TBC1D28: variants seen among roughly 807,000 people sequenced by gnomAD.
TBC1D28 encodes TBC1 domain family, member 28.
TBC1D28 carries 20 observed loss-of-function variants against 29.2 expected under a neutral mutation model. The observed-to-expected ratio is 0.68, with a 90% CI of 0.48 to 0.99. TBC1D28 has a LOEUF of 0.99. Among genes scored for constraint, TBC1D28 ranks in the 50% least tolerant of loss-of-function variants. The pLI, the probability that TBC1D28 is intolerant of heterozygous loss-of-function variation, is 0.00. For synonymous variants in TBC1D28, 65 were observed against 90.9 expected (o/e 0.71, Z 1.62); for missense variants, 205 against 243.7 (o/e 0.84, Z 1.06).
At position 18,639,122 on chromosome 17, in the gene TBC1D28, C is replaced by A; in HGVS notation, c.198+53G>T. On this transcript the variant is annotated intron_variant, in intron 5 of 8. Coordinates refer to ENST00000345096, the Ensembl canonical transcript of TBC1D28. ...GCCACCCCCTCTGCCTTACCGATCA[C>A]CCGATTCCCAGTCCCTGAAGCAGCC... 4 of 1,320,798 alleles carry A rather than the reference C, an allele frequency of 3.0e-6. 1 individual carries two copies. The South Asian group carries it at 5.4e-5, about 18-fold the overall frequency. 81.8% of individuals were successfully genotyped at this position (1,320,798 alleles called of 1,614,324 possible).
chr17:18,636,061 A>C, exon 9 of TBC1D28: 1 of 1,014,244 alleles, frequency 9.9e-7, no homozygotes, highest in Non-Finnish European at 1.2e-6. Context: ...CCCTGCCTGG[A>C]ATGGTCTGGA....
Position 18,638,612 on chromosome 17 carries a change from C to G in TBC1D28, c.279+9G>C, listed in dbSNP as rs1380373519. The G allele has an allele frequency of 1.2e-6, 2 of 1,614,240 alleles. No individual in the cohort carries two copies. The highest frequency in any genetic ancestry group is 4.5e-5 in the East Asian group (2 of 44,890). ...AGCAGTCACGGGGGCCGCTTCCTCC[C>G]CATGTTACCTTCTTGGTGCTCCTAT... is the stretch of plus-strand genomic sequence containing the variant. On this transcript the variant is annotated intron_variant, in intron 6 of 8. Coordinates refer to ENST00000345096, the Ensembl canonical transcript of TBC1D28.
chr17:18,643,234 T>C (rs1350396089), upstream of TBC1D28, among the ~76,000 whole-genome samples: 3 of 152,044 alleles, frequency 2.0e-5, no homozygotes, highest in Non-Finnish European at 4.4e-5. Flanking sequence ...ACAGGGCCCC[T>C]CATTAGGGGG....
At position 18,638,606 on chromosome 17, in the gene TBC1D28, T is replaced by A. The variant is rs1384558873; in HGVS notation, c.279+15A>T. The A allele has an allele frequency of 1.2e-6, 2 of 1,614,186 alleles. No homozygotes were observed. The highest frequency in any genetic ancestry group is 1.1e-5 in the South Asian group (1 of 91,088). On this transcript the variant is annotated intron_variant, in intron 6 of 8. Transcript: ENST00000345096. ...GCAGAGAGCAGTCACGGGGGCCGCTTCCTCCCCATGTTACCTTCTTGGTGC... is the reference window on the plus strand; with the variant it reads ...GCAGAGAGCAGTCACGGGGGCCGCTACCTCCCCATGTTACCTTCTTGGTGC...
intron 4 of TBC1D28, 33 bp from the exon 6 acceptor site, chr17:18,639,247 G>C: frequency 4.4e-6 from 7 of 1,608,512 alleles, no homozygotes; most frequent in Non-Finnish European, 5.9e-6. Context: ...CTGAGGACCT[G>C]CCCAGGCCAG....
At chr17:18,643,281 C>T (rs990260650), upstream of TBC1D28, among the ~76,000 whole-genome samples, 1 of 151,892 alleles carries the variant, frequency 6.6e-6, no homozygotes, top group African/African-American at 2.4e-5. Context: ...GTGTGAGTGG[C>T]AAGGTCGGAT....
Position 18,637,863 on chromosome 17 carries a change from C to A in TBC1D28, c.497+1G>T. 6.2e-7 allele frequency: 1 copy of A among 1,613,734 alleles called. No individual in the cohort carries two copies. Among genetic ancestry groups the A allele is most frequent in the Non-Finnish European group, 8.5e-7 (1 of 1,179,814 alleles). On this transcript the variant is annotated splice_donor_variant, in intron 8 of 8. Coordinates refer to ENST00000345096, the Ensembl canonical transcript of TBC1D28. LOFTEE classifies it high-confidence loss of function. Reference sequence around the variant, plus strand: ...ACCCCTGCAAGCCCCATTGGCCTTACTTGACTCCGAATCTTTGTATGAACA... The same window carrying A: ...ACCCCTGCAAGCCCCATTGGCCTTAATTGACTCCGAATCTTTGTATGAACA...
chr17:18,638,419 A>G (rs1426694306), exon 7 of TBC1D28: 8 of 1,614,064 alleles, frequency 5.0e-6, no homozygotes, highest in Non-Finnish European at 6.8e-6. Flanking sequence ...TCTTTGAGAC[A>G]GCTACAGACA....
exon 9 of TBC1D28, chr17:18,636,544 C>T (rs2031506893): frequency 3.3e-5 from 54 of 1,613,854 alleles, no homozygotes; most frequent in Non-Finnish European, 4.2e-5. Context: ...CCCGGGAATA[C>T]TCACAGGGTT....
downstream of TBC1D28, among the ~76,000 whole-genome samples, chr17:18,634,832 C>CCCTCAGCCG (rs2031407176): frequency 2.6e-5 from 3 of 117,636 alleles, no homozygotes; most frequent in African/African-American, 8.2e-5. Context: ...GCCCCTCAGC[C>CCCTCAGCCG]CCTCAGCCTC....
exon 1 of TBC1D28, chr17:18,642,226 A>C (rs1271089516): frequency 6.6e-6 from 1 of 152,362 alleles, no homozygotes; most frequent in Non-Finnish European, 1.5e-5. Context: ...CATTTTCCAC[A>C]ACTGCCTGAG....
chr17:18,637,997 G>A (rs1186934568), intron 7 of TBC1D28, 24 bp from the exon 9 acceptor site: 6 of 1,346,002 alleles, frequency 4.5e-6, no homozygotes, highest in Admixed American at 1.9e-5. Flanking sequence ...CCAAGAGGAG[G>A]AAGCAGCCTC....
At chr17:18,643,719 G>A (rs564372925), upstream of TBC1D28, among the ~76,000 whole-genome samples, 137 of 152,238 alleles carry the variant, frequency 9.0e-4, 1 homozygote, top group Admixed American at 2.7e-3. Flanking sequence ...CAGAGCAGCA[G>A]TGTTCAAGGT....
chr17:18,639,561 TG>T (rs2031675270), intron 4 of TBC1D28, among the ~76,000 whole-genome samples: 1 of 128,132 alleles, frequency 7.8e-6, no homozygotes, highest in African/African-American at 3.1e-5. Flanking sequence ...CCACCCAGGG[TG>T]GGTGGCCAAG....
intron 8 of TBC1D28, among the ~76,000 whole-genome samples, chr17:18,637,575 T>C (rs561690944): frequency 0.019 from 2,838 of 147,344 alleles, 46 homozygotes; most frequent in African/African-American, 0.064. Flanking sequence ...CTATCCTGGA[T>C]AGTTGTGGGT....
chr17:18,643,823 G>A (rs1260924123), upstream of TBC1D28, among the ~76,000 whole-genome samples: 4 of 152,358 alleles, frequency 2.6e-5, no homozygotes, highest in African/African-American at 4.8e-5. Context: ...CTCAGTGACC[G>A]CACGTGAAGT....
At chr17:18,639,265 C>G in intron 4 of TBC1D28, 51 bp from the exon 6 acceptor site, 1 of 1,601,528 alleles carries the variant, frequency 6.2e-7, no homozygotes, top group Non-Finnish European at 8.5e-7. Flanking sequence ...CAGGAGCCAT[C>G]CCTCTCCCTG....
intron 3 of TBC1D28, 43 bp from the exon 5 acceptor site, chr17:18,641,147 G>C: frequency 1.2e-6 from 1 of 822,504 alleles, no homozygotes; most frequent in Admixed American, 2.8e-5. Context: ...TAAGGTGAGA[G>C]GTGTGGGAGG....
exon 1 of TBC1D28, chr17:18,642,119 C>T (rs2031798423): frequency 6.5e-6 from 1 of 153,372 alleles, no homozygotes; most frequent in Admixed American, 6.5e-5. Context: ...GAGGACCAGA[C>T]AGAGAGAATG....
Sources: gnomAD v4.1 joint callset for allele counts (sites outside exome capture counted in the v4.1 genomes callset) on GRCh38, gnomAD v4.1.1 for gene constraint, MANE v1.5 for transcripts, NCBI Gene and HGNC (gene_info 2026-07-23, HGNC 2026-07-21) for gene names.